The following GRID2 variants were observed in gnomAD, a reference collection of about 807,000 sequenced individuals.
The protein encoded by GRID2 is glutamate receptor ionotropic, delta-2.
Under a neutral mutation model 114.8 loss-of-function variants are expected in GRID2, and 33 were observed. The observed-to-expected ratio is 0.29, with a 90% CI of 0.22 to 0.38. GRID2 has a LOEUF of 0.38. Among genes scored for constraint, GRID2 ranks in the 10% least tolerant of loss-of-function variants. GRID2 has a pLI of 1.00. For synonymous variants in GRID2, 505 were observed against 449.9 expected, an observed-to-expected ratio of 1.12 and a Z score of -1.55; for missense variants, 1,184 against 1,257.7, an observed-to-expected ratio of 0.94 and a Z score of 0.89.
chr4:93,248,086 TACAC>T (rs10548106), intron 8 of GRID2, among the ~76,000 whole-genome samples: 2 of 150,824 alleles, frequency 1.3e-5, no homozygotes, highest in Non-Finnish European at 3.0e-5. Context: ...ATCTAACAGA[TACAC>T]ACACACACAC....
chr4:92,648,731 C>A (rs1731766090), intron 2 of GRID2, among the ~76,000 whole-genome samples: 1 of 148,988 alleles, frequency 6.7e-6, no homozygotes. Context: ...ATACCACAAC[C>A]ATTTTAGTAT....
intron 1 of GRID2, among the ~76,000 whole-genome samples, chr4:92,404,531 C>T (rs1174118745): frequency 6.6e-6 from 1 of 152,150 alleles, no homozygotes; most frequent in Non-Finnish European, 1.5e-5. Context: ...AATCCCATTA[C>T]TGATTATACC....
chr4:93,056,745 C>A (rs1306463496), intron 2 of GRID2, among the ~76,000 whole-genome samples: 4 of 151,822 alleles, frequency 2.6e-5, no homozygotes, highest in Non-Finnish European at 5.9e-5. Flanking sequence ...TTTTCTAAGG[C>A]CAAATACAGT....
chr4:93,420,832 C>T (rs539062707), intron 9 of GRID2, among the ~76,000 whole-genome samples: 1 of 151,986 alleles, frequency 6.6e-6, no homozygotes, highest in African/African-American at 2.4e-5. Flanking sequence ...TGGCTCACTG[C>T]AAGCTCTGCC....
chr4:93,395,191 C>T (rs1272114808), intron 8 of GRID2, among the ~76,000 whole-genome samples: 1 of 151,522 alleles, frequency 6.6e-6, no homozygotes, highest in East Asian at 1.9e-4. Flanking sequence ...GTCTTTTTTC[C>T]CAGTAAAAGC....
At chr4:92,383,805 A>C (rs763984625) in intron 1 of GRID2, among the ~76,000 whole-genome samples, 4 of 151,966 alleles carry the variant, frequency 2.6e-5, no homozygotes, top group African/African-American at 4.8e-5. Context: ...TGGCTCCCAA[A>C]TAATATTTCT....
intron 4 of GRID2, among the ~76,000 whole-genome samples, chr4:93,140,769 TC>T (rs1735700535): frequency 6.6e-6 from 1 of 152,196 alleles, no homozygotes; most frequent in South Asian, 2.1e-4. Flanking sequence ...TCTATGCCAA[TC>T]AATACATTTC....
At chr4:93,591,620 C>T (rs1738318558) in intron 13 of GRID2, among the ~76,000 whole-genome samples, 2 of 151,766 alleles carry the variant, frequency 1.3e-5, no homozygotes, top group South Asian at 4.2e-4. Flanking sequence ...GGAATAGTTT[C>T]AGAAGGAATG....
At chr4:92,890,686 G>A (rs575691754) in intron 2 of GRID2, among the ~76,000 whole-genome samples, 55 of 152,176 alleles carry the variant, frequency 3.6e-4, no homozygotes, top group African/African-American at 1.1e-3. Context: ...TAGTTCAACC[G>A]TTGTGGAAGA....
intron 2 of GRID2, among the ~76,000 whole-genome samples, chr4:92,971,241 A>G (rs1377276890): frequency 6.6e-6 from 1 of 152,030 alleles, no homozygotes; most frequent in Admixed American, 6.6e-5. Flanking sequence ...ATTAACCACT[A>G]AAGAATTTTC....
At chr4:92,894,273 C>T (rs1373734067) in intron 2 of GRID2, among the ~76,000 whole-genome samples, 1 of 152,022 alleles carries the variant, frequency 6.6e-6, no homozygotes, top group Non-Finnish European at 1.5e-5. Context: ...CTTTTATTAG[C>T]TTTTCCATGA....
chr4:93,404,041 A>G (rs1188931886), intron 9 of GRID2, among the ~76,000 whole-genome samples: 2 of 152,170 alleles, frequency 1.3e-5, no homozygotes, highest in Admixed American at 1.3e-4. Context: ...ATTATTTGGC[A>G]ATAGAATGAA....
chr4:92,343,665 C>G (rs28612641), intron 1 of GRID2, among the ~76,000 whole-genome samples: 1 of 151,088 alleles, frequency 6.6e-6, no homozygotes, highest in Non-Finnish European at 1.5e-5. Flanking sequence ...CCTCTGCCTC[C>G]GAGGTTCAAG....
intron 2 of GRID2, among the ~76,000 whole-genome samples, chr4:92,763,283 C>A (rs950988231): frequency 6.6e-6 from 1 of 152,122 alleles, no homozygotes; most frequent in Non-Finnish European, 1.5e-5. Context: ...ATGCACAAAG[C>A]CCTTATCCTG....
chr4:92,868,826 C>A (rs531431569), intron 2 of GRID2, among the ~76,000 whole-genome samples: 1 of 152,060 alleles, frequency 6.6e-6, no homozygotes, highest in South Asian at 2.1e-4. Flanking sequence ...GCAGGTACAT[C>A]TTAGCATTTA....
At chr4:93,514,081 G>T (rs142863354) in intron 12 of GRID2, among the ~76,000 whole-genome samples, 2 of 152,278 alleles carry the variant, frequency 1.3e-5, no homozygotes, top group Admixed American at 6.5e-5. Context: ...AAGTTAGTGA[G>T]TTGTAACTGT....
Position 93,122,287 on chromosome 4 carries a change from A to T in GRID2, c.735+11334A>T, listed in dbSNP as rs184379105. Among the ~76,000 whole-genome samples, 513 of 152,270 alleles carry T rather than the reference A, an allele frequency of 3.4e-3. 1 individual carries two copies. The highest frequency in any genetic ancestry group is 0.011 in the African/African-American group (445 of 41,570). ...TGCATAATGTAAAGTGGAGGTAAAGATACATTTTATTTTCCATATGGTGAA... is the reference window on the plus strand; with the variant it reads ...TGCATAATGTAAAGTGGAGGTAAAGTTACATTTTATTTTCCATATGGTGAA... On this transcript the variant is annotated intron_variant, in intron 4 of 15. Transcript: ENST00000282020.
chr4:93,295,891 T>C (rs550904696), intron 8 of GRID2, among the ~76,000 whole-genome samples: 42 of 152,364 alleles, frequency 2.8e-4, no homozygotes, highest in African/African-American at 9.1e-4. Context: ...CCACGTCAGA[T>C]AGCATAGCCT....
chr4:93,510,704 CA>C (rs1321987631), intron 12 of GRID2, among the ~76,000 whole-genome samples: 1 of 151,828 alleles, frequency 6.6e-6, no homozygotes, highest in Non-Finnish European at 1.5e-5. Context: ...CTGACTCTGC[CA>C]GGGGGGAAAA....
Sources: gnomAD v4.1 joint callset for allele counts (sites outside exome capture counted in the v4.1 genomes callset) on GRCh38, gnomAD v4.1.1 for gene constraint, MANE v1.5 for transcripts, NCBI Gene and HGNC (gene_info 2026-07-23, HGNC 2026-07-21) for gene names.